The following PIK3C2G variants were observed in gnomAD, a reference collection of about 807,000 sequenced individuals.
PIK3C2G encodes phosphatidylinositol 3-kinase C2 domain-containing subunit gamma.
PIK3C2G carries 168 observed loss-of-function variants against 181.1 expected under a neutral mutation model. The observed-to-expected ratio is 0.93, with a 90% CI of 0.82 to 1.05. PIK3C2G has a LOEUF of 1.05. PIK3C2G is among the 50% of genes least tolerant of loss of function. The probability of loss-of-function intolerance (pLI) is 0.00; values close to 1 mark genes in which losing one functional copy is unlikely to be tolerated. For missense variants in PIK3C2G, 1,869 were observed against 1,732.8 expected, an observed-to-expected ratio of 1.08 and a Z score of -1.40; for synonymous variants, 573 against 592.2, an observed-to-expected ratio of 0.97 and a Z score of 0.47.
At chr12:18,357,613 G>C (rs1940870326) in intron 11 of PIK3C2G, among the ~76,000 whole-genome samples, 1 of 152,094 alleles carries the variant, frequency 6.6e-6, no homozygotes, top group African/African-American at 2.4e-5. Context: ...TTAGCATATT[G>C]TTTCTTCTTT....
Position 18,338,633 on chromosome 12 carries a change from C to G in PIK3C2G, c.1395+85C>G, listed in dbSNP as rs1313984883. The G allele has an allele frequency of 3.6e-6, 3 of 833,174 alleles. No individual in the cohort carries two copies. In the Admixed American group the frequency reaches 6.3e-5, roughly 18 times the overall value. 51.6% of individuals were successfully genotyped at this position (833,174 alleles called of 1,614,324 possible). ...AGAGTGAAAGACTTTTTACTAACAA[C>G]TATATTTCCGTGTGTATGTTTGTGT... On this transcript the variant is annotated intron_variant, in intron 9 of 32. Transcript: ENST00000538779.
At chr12:18,573,958 A>G (rs1402202770) in intron 29 of PIK3C2G, among the ~76,000 whole-genome samples, 1 of 152,190 alleles carries the variant, frequency 6.6e-6, no homozygotes, top group African/African-American at 2.4e-5. Context: ...ATTCTGTCCC[A>G]TCTCACATGT....
the PIK3C2G span, among the ~76,000 whole-genome samples, chr12:18,688,377 C>A: frequency 6.6e-6 from 1 of 151,936 alleles, no homozygotes; most frequent in Non-Finnish European, 1.5e-5. Flanking sequence ...AAATTTAAGT[C>A]TTTTATCCTC....
In PIK3C2G at chr12:18,409,187, C is replaced by T. The variant is rs867446213; in HGVS notation, c.2315+9340C>T. ...GATAGATTAGATAAAGAAAATGAGG[C>T]ACATATACACCATGGAATACTATGC... On this transcript the variant is annotated intron_variant, in intron 16 of 32. Transcript: ENST00000538779. Among the ~76,000 whole-genome samples the T allele has an allele frequency of 2.0e-5, 3 of 152,184 alleles. No homozygotes were observed. In the Middle Eastern group the frequency reaches 0.01, roughly 518 times the overall value.
the PIK3C2G span, among the ~76,000 whole-genome samples, chr12:18,676,903 T>G: frequency 6.6e-6 from 1 of 152,166 alleles, no homozygotes; most frequent in Non-Finnish European, 1.5e-5. Flanking sequence ...ATTCCTCATT[T>G]TTTAAAACTT....
chr12:18,273,077 G>C (rs530602607), intron 1 of PIK3C2G, among the ~76,000 whole-genome samples: 3 of 151,992 alleles, frequency 2.0e-5, no homozygotes, highest in South Asian at 4.2e-4. Flanking sequence ...GAGAGATGCT[G>C]GGGATGCTAG....
chr12:18,584,097 C>T (rs543455418), intron 29 of PIK3C2G, among the ~76,000 whole-genome samples: 57 of 151,190 alleles, frequency 3.8e-4, no homozygotes, highest in African/African-American at 1.2e-3. Context: ...GGCGTGATCT[C>T]GGCTCACCAC....
At chr12:18,604,228 C>T (rs543222468) in intron 30 of PIK3C2G, among the ~76,000 whole-genome samples, 11 of 152,064 alleles carry the variant, frequency 7.2e-5, no homozygotes, top group Non-Finnish European at 1.5e-4. Context: ...ACACCAAAAG[C>T]GAGCAGGGTT....
chr12:18,478,566 G>A (rs146495116), intron 18 of PIK3C2G, among the ~76,000 whole-genome samples: 183 of 152,286 alleles, frequency 1.2e-3, no homozygotes, highest in African/African-American at 4.2e-3. Flanking sequence ...AGAAGGGGTG[G>A]AGGAGAAGTG....
chr12:18,282,840 G>A, intron 2 of PIK3C2G, 81 bp downstream of exon 2: 9 of 992,076 alleles, frequency 9.1e-6, no homozygotes, highest in Non-Finnish European at 1.3e-5. Context: ...TGGTAATGAA[G>A]ATAACTAAAC....
At chr12:18,370,769 C>G (rs999593954) in intron 12 of PIK3C2G, among the ~76,000 whole-genome samples, 4 of 152,086 alleles carry the variant, frequency 2.6e-5, no homozygotes, top group African/African-American at 9.7e-5. Flanking sequence ...TTTCCTCTTT[C>G]TGGAATATTC....
At chr12:18,295,955 A>G (rs1949921888) in intron 5 of PIK3C2G, among the ~76,000 whole-genome samples, 1 of 152,140 alleles carries the variant, frequency 6.6e-6, no homozygotes. Context: ...TTCTTTATAC[A>G]GAGAACACAG....
the PIK3C2G span, among the ~76,000 whole-genome samples, chr12:18,664,245 C>G: frequency 6.6e-6 from 1 of 152,152 alleles, no homozygotes; most frequent in Non-Finnish European, 1.5e-5. Context: ...ATAGATTTAC[C>G]ACATAATCCT....
At chr12:18,607,886 G>A (rs999113340) in intron 30 of PIK3C2G, among the ~76,000 whole-genome samples, 11 of 152,174 alleles carry the variant, frequency 7.2e-5, no homozygotes, top group Admixed American at 2.6e-4. Flanking sequence ...ACAAGTGGGC[G>A]AAGAATATAA....
chr12:18,579,597 A>G (rs1946393767), intron 29 of PIK3C2G, among the ~76,000 whole-genome samples: 1 of 152,150 alleles, frequency 6.6e-6, no homozygotes, highest in African/African-American at 2.4e-5. Context: ...TGACAAAAGA[A>G]AATGGACTAT....
chr12:18,346,648 A>G lies in PIK3C2G; in HGVS notation c.1437A>G (p.Ile479Met). 1.9e-6 allele frequency: 3 copies of G among 1,594,068 alleles called. No homozygotes were observed. The highest frequency in any genetic ancestry group is 2.2e-5 in the South Asian group (2 of 88,946). The part of the protein sequence containing the change: ...QSSETSAKGL[I>M]EKVTTELSTS... Reference sequence around the variant, plus strand: ...CTATCTCTTCCTTTCTAGGCTTGATAGAGAAGGTAACAACTGAACTATCCA... The same window carrying G: ...CTATCTCTTCCTTTCTAGGCTTGATGGAGAAGGTAACAACTGAACTATCCA... The change falls in exon 11 of 33, where the codon ATA becomes ATG. Residue 479 changes from isoleucine to methionine, a missense_variant. Ile to Met is a conservative substitution (Grantham distance 10). Transcript: ENST00000538779.
chr12:18,506,836 A>G (rs1033975280), intron 24 of PIK3C2G, among the ~76,000 whole-genome samples: 3 of 152,152 alleles, frequency 2.0e-5, no homozygotes, highest in Admixed American at 1.3e-4. Context: ...CCCTCAATAT[A>G]AGAAATAATA....
chr12:18,720,074 T>C, the PIK3C2G span, among the ~76,000 whole-genome samples: 26 of 152,234 alleles, frequency 1.7e-4, no homozygotes, highest in Non-Finnish European at 2.6e-4. Flanking sequence ...TAGTTTTCTT[T>C]GGTTGTTGCA....
chr12:18,450,215 C>A (rs1021572460), intron 18 of PIK3C2G, among the ~76,000 whole-genome samples: 2 of 152,236 alleles, frequency 1.3e-5, no homozygotes, highest in Non-Finnish European at 2.9e-5. Flanking sequence ...CAACCTCCAC[C>A]TCCTGGGTTC....
Sources: gnomAD v4.1 joint callset for allele counts (sites outside exome capture counted in the v4.1 genomes callset) on GRCh38, gnomAD v4.1.1 for gene constraint, MANE v1.5 for transcripts, NCBI Gene and HGNC (gene_info 2026-07-23, HGNC 2026-07-21) for gene names.